Variants in CPEB3 observed in about 807,000 individuals in gnomAD.
The protein encoded by CPEB3 is cytoplasmic polyadenylation element binding protein 3, also known as cytoplasmic polyadenylation element-binding protein 3.
CPEB3 carries 20 observed loss-of-function variants against 67.2 expected under a neutral mutation model. That is an observed-to-expected ratio of 0.30 (90% CI 0.21 to 0.43). CPEB3 has a LOEUF of 0.43. CPEB3 is among the 20% of genes least tolerant of loss of function. The pLI is 1.00. For missense variants in CPEB3, 746 were observed against 968.6 expected, an observed-to-expected ratio of 0.77 and a Z score of 3.05; for synonymous variants, 376 against 393.1, an observed-to-expected ratio of 0.96 and a Z score of 0.51.
At chr10:92,068,717 G>A (rs1842646747) in intron 9 of CPEB3, among the ~76,000 whole-genome samples, 1 of 152,154 alleles carries the variant, frequency 6.6e-6, no homozygotes, top group South Asian at 2.1e-4. Context: ...AAAGAACAGA[G>A]GAGGACAGGA....
chr10:92,236,622 G>A (rs536193330), intron 2 of CPEB3, among the ~76,000 whole-genome samples: 1 of 152,030 alleles, frequency 6.6e-6, no homozygotes, highest in Middle Eastern at 3.2e-3. Flanking sequence ...GGTGGCGGAC[G>A]CCTGTAATCC....
chr10:92,240,526 G>A (rs567436897), intron 1 of CPEB3, among the ~76,000 whole-genome samples, 165 bp from the exon 2 acceptor site: 1 of 152,326 alleles, frequency 6.6e-6, no homozygotes, highest in African/African-American at 2.4e-5. Flanking sequence ...AGGCTGTTGG[G>A]TGGGGAATAG....
At position 92,242,526 on chromosome 10, in the gene CPEB3, T is replaced by C. The variant is rs565549511; in HGVS notation, c.-11-2165A>G. On this transcript the variant is annotated intron_variant, in intron 1 of 9. Coordinates refer to ENST00000265997, the MANE Select transcript of CPEB3 (RefSeq NM_014912.5). ...TGCAGTAAACCATTATAATCTGAGATTTGAGTCACTTCCAGTGAGCTAGAA... is the reference window on the plus strand; with the variant it reads ...TGCAGTAAACCATTATAATCTGAGACTTGAGTCACTTCCAGTGAGCTAGAA... Among the ~76,000 whole-genome samples, 273 of 152,326 alleles carry C rather than the reference T, an allele frequency of 1.8e-3. 1 individual carries two copies. The highest frequency in any genetic ancestry group is 6.4e-3 in the African/African-American group (265 of 41,576).
At chr10:92,148,632 C>T (rs1846806767) in intron 4 of CPEB3, among the ~76,000 whole-genome samples, 1 of 152,126 alleles carries the variant, frequency 6.6e-6, no homozygotes, top group African/African-American at 2.4e-5. Context: ...ACTGTATCTT[C>T]CTGCCCTAAT....
chr10:92,214,574 CCAGGTTCAAGCGATTCTCCTGCCT>C (rs1390601011), intron 2 of CPEB3, among the ~76,000 whole-genome samples: 2 of 152,070 alleles, frequency 1.3e-5, no homozygotes, highest in Non-Finnish European at 2.9e-5. Flanking sequence ...CCTCCGCCTC[CCAGGTTCAAGCGATTCTCCTGCCT>C]CAGTCCCCCA....
chr10:92,209,566 C>T (rs567393876), intron 2 of CPEB3, among the ~76,000 whole-genome samples: 3 of 151,980 alleles, frequency 2.0e-5, no homozygotes, highest in Non-Finnish European at 2.9e-5. Flanking sequence ...TTTTTAGAGG[C>T]CGAAACAATA....
intron 1 of CPEB3, among the ~76,000 whole-genome samples, chr10:92,272,465 G>C (rs1054909171): frequency 5.9e-5 from 9 of 152,090 alleles, no homozygotes; most frequent in African/African-American, 2.2e-4. Context: ...TCATTAGATA[G>C]AGTTAGAAAC....
chr10:92,167,092 T>C (rs1847780505), intron 4 of CPEB3, among the ~76,000 whole-genome samples: 1 of 152,202 alleles, frequency 6.6e-6, no homozygotes, highest in Admixed American at 6.5e-5. Context: ...TCTCTTAGCC[T>C]TAACAGAATG....
chr10:92,235,721 T>G (rs1851498794), intron 2 of CPEB3, among the ~76,000 whole-genome samples: 2 of 152,210 alleles, frequency 1.3e-5, no homozygotes, highest in South Asian at 4.1e-4. Flanking sequence ...GAGACTTAAA[T>G]CCAGGCAATC....
At chr10:92,176,663 G>A (rs12241934) in intron 4 of CPEB3, among the ~76,000 whole-genome samples, 1 of 152,196 alleles carries the variant, frequency 6.6e-6, no homozygotes, top group African/African-American at 2.4e-5. Flanking sequence ...GAACTGACCA[G>A]TCAAATGGAG....
chr10:92,288,501 C>A (rs1842644090), intron 1 of CPEB3, among the ~76,000 whole-genome samples: 1 of 149,482 alleles, frequency 6.7e-6, no homozygotes, highest in Non-Finnish European at 1.5e-5. Context: ...TGAACATTCA[C>A]AAACAAGATT....
chr10:92,188,320 TAAAAAAAAAAAAAAAAAA>T (rs756970118), intron 3 of CPEB3, among the ~76,000 whole-genome samples: 1 of 36,966 alleles, frequency 2.7e-5, no homozygotes, highest in African/African-American at 1.2e-4. Flanking sequence ...TAAGACATAG[TAAAAAAAAAAAAAAAAAA>T]AAAAAAAAAA....
At chr10:92,235,666 T>C (rs1851496639) in intron 2 of CPEB3, among the ~76,000 whole-genome samples, 1 of 152,218 alleles carries the variant, frequency 6.6e-6, no homozygotes. Context: ...ACCAGCACGT[T>C]TATATAATTT....
At chr10:92,117,297 C>T (rs1057322876) in intron 6 of CPEB3, among the ~76,000 whole-genome samples, 3 of 141,034 alleles carry the variant, frequency 2.1e-5, no homozygotes, top group African/African-American at 8.0e-5. Flanking sequence ...GCTGGGATTA[C>T]AGGCATGAGC....
intron 2 of CPEB3, 29 bp from the exon 3 acceptor site, chr10:92,192,665 A>ACATAAAATTACTT: frequency 1.3e-6 from 2 of 1,516,734 alleles, no homozygotes; most frequent in Non-Finnish European, 1.8e-6. Context: ...ACAAGACAAT[A>ACATAAAATTACTT]CATAAAATTA....
At chr10:92,129,302 CAT>C (rs1845735082) in intron 6 of CPEB3, among the ~76,000 whole-genome samples, 1 of 152,044 alleles carries the variant, frequency 6.6e-6, no homozygotes, top group East Asian at 1.9e-4. Context: ...CACATGGACA[CAT>C]AGAGGGGAAC....
chr10:92,172,456 T>C (rs534779401), intron 4 of CPEB3, among the ~76,000 whole-genome samples: 1 of 152,322 alleles, frequency 6.6e-6, no homozygotes, highest in East Asian at 1.9e-4. Flanking sequence ...CTCTCCACAA[T>C]CAATAAAGTA....
At chr10:92,192,810 G>T (rs1310816831) in intron 2 of CPEB3, among the ~76,000 whole-genome samples, 174 bp from the exon 3 acceptor site, 1 of 152,146 alleles carries the variant, frequency 6.6e-6, no homozygotes, top group Non-Finnish European at 1.5e-5. Flanking sequence ...TAGAGATGGG[G>T]TCTCGCTATG....
intron 1 of CPEB3, among the ~76,000 whole-genome samples, chr10:92,242,207 G>C (rs181549989): frequency 6.6e-6 from 1 of 152,180 alleles, no homozygotes; most frequent in African/African-American, 2.4e-5. Context: ...CAGCCACCTT[G>C]CTCTCCCTTC....
Sources: gnomAD v4.1 joint callset for allele counts (sites outside exome capture counted in the v4.1 genomes callset) on GRCh38, gnomAD v4.1.1 for gene constraint, MANE v1.5 for transcripts, NCBI Gene and HGNC (gene_info 2026-07-23, HGNC 2026-07-21) for gene names.